CTNNA3: variants seen among roughly 807,000 people sequenced by gnomAD.
CTNNA3 encodes catenin alpha-3.
Under a neutral mutation model 95.7 loss-of-function variants are expected in CTNNA3, and 76 were observed. The observed-to-expected ratio is 0.79, with a 90% CI of 0.66 to 0.96. The LOEUF is 0.96. Among genes scored for constraint, CTNNA3 ranks in the 40% least tolerant of loss-of-function variants. The pLI is 0.00. For missense variants in CTNNA3, 1,191 were observed against 1,089.8 expected, an observed-to-expected ratio of 1.09 and a Z score of -1.31; for synonymous variants, 431 against 374.4, an observed-to-expected ratio of 1.15 and a Z score of -1.74.
chr10:66,030,277 A>G (rs2133454285), intron 15 of CTNNA3, among the ~76,000 whole-genome samples: 1 of 152,308 alleles, frequency 6.6e-6, no homozygotes, highest in East Asian at 1.9e-4. Flanking sequence ...ATCCTAAGCA[A>G]AAAGAACAAA....
At chr10:66,638,693 G>T (rs1407215355) in intron 9 of CTNNA3, among the ~76,000 whole-genome samples, 3 of 151,962 alleles carry the variant, frequency 2.0e-5, no homozygotes, top group African/African-American at 7.2e-5. Flanking sequence ...TCAATGTACT[G>T]CTGTGATCAC....
chr10:66,104,748 T>C (rs2081816335), intron 13 of CTNNA3, among the ~76,000 whole-genome samples: 1 of 152,216 alleles, frequency 6.6e-6, no homozygotes, highest in African/African-American at 2.4e-5. Flanking sequence ...TGGGCCTGCA[T>C]CTTTCATGCA....
At chr10:66,752,040 G>A (rs944883724) in intron 9 of CTNNA3, among the ~76,000 whole-genome samples, 4 of 152,026 alleles carry the variant, frequency 2.6e-5, no homozygotes, top group Non-Finnish European at 5.9e-5. Flanking sequence ...CTAATATAAC[G>A]ATTCAATATG....
intron 12 of CTNNA3, among the ~76,000 whole-genome samples, chr10:66,312,850 G>T (rs2132265043): frequency 6.6e-6 from 1 of 152,144 alleles, no homozygotes; most frequent in African/African-American, 2.4e-5. Flanking sequence ...CGGTGGGATT[G>T]CAGATTCTTT....
intron 7 of CTNNA3, among the ~76,000 whole-genome samples, chr10:66,895,015 C>A: frequency 7.8e-6 from 1 of 128,828 alleles, no homozygotes; most frequent in Non-Finnish European, 1.6e-5. Flanking sequence ...ATAATTGTGC[C>A]ATTGGCGAGA....
At chr10:67,358,997 C>A (rs1335070661) in intron 5 of CTNNA3, among the ~76,000 whole-genome samples, 1 of 152,040 alleles carries the variant, frequency 6.6e-6, no homozygotes, top group East Asian at 1.9e-4. Flanking sequence ...TCTGCTAGCC[C>A]TTACTCTTAA....
intron 5 of CTNNA3, among the ~76,000 whole-genome samples, chr10:67,296,876 G>C (rs1045047632): frequency 7.2e-6 from 1 of 138,662 alleles, no homozygotes; most frequent in African/African-American, 2.8e-5. Context: ...AGAGGTTGCA[G>C]TGAGCCAAGA....
chr10:67,503,560 T>A (rs1330815001), intron 5 of CTNNA3, among the ~76,000 whole-genome samples: 1 of 152,210 alleles, frequency 6.6e-6, no homozygotes, highest in Non-Finnish European at 1.5e-5. Context: ...ATTCACTTAA[T>A]CTAAAAATAC....
intron 12 of CTNNA3, among the ~76,000 whole-genome samples, chr10:66,329,919 G>A (rs1011348322): frequency 2.6e-5 from 4 of 151,956 alleles, no homozygotes; most frequent in Non-Finnish European, 5.9e-5. Flanking sequence ...CATCAGAAAC[G>A]TTCATATGAT....
chr10:65,914,680 C>T lies in CTNNA3; in HGVS notation c.*5650G>A, dbSNP rs1382617966. 1 of 152,146 alleles carries T rather than the reference C, an allele frequency of 6.6e-6. No individual in the cohort carries two copies. The highest frequency in any genetic ancestry group is 2.4e-5 in the African/African-American group (1 of 41,422). The allele number at this position is 152,146 out of a possible 1,614,324, so 9.4% of individuals were successfully genotyped here. On this transcript the variant is annotated 3_prime_UTR_variant, in exon 18 of 18. Coordinates refer to ENST00000433211, the MANE Select transcript of CTNNA3 (RefSeq NM_013266.4). Reference sequence around the variant, plus strand: ...TAAAAGAGGAAAGGATTGGTGTTAACAAATGGTATTAACCAACCAATACTG... The same window carrying T: ...TAAAAGAGGAAAGGATTGGTGTTAATAAATGGTATTAACCAACCAATACTG...
At chr10:66,976,154 G>C (rs1589528791) in intron 7 of CTNNA3, among the ~76,000 whole-genome samples, 1 of 152,092 alleles carries the variant, frequency 6.6e-6, no homozygotes, top group Admixed American at 6.6e-5. Flanking sequence ...ATATGTTCTT[G>C]TGAGAAGGAC....
At chr10:67,746,156 C>A (rs983990811) in intron 1 of CTNNA3, among the ~76,000 whole-genome samples, 1 of 152,192 alleles carries the variant, frequency 6.6e-6, no homozygotes, top group Non-Finnish European at 1.5e-5. Flanking sequence ...AAGCATCCCA[C>A]TTCCTGACTT....
At chr10:66,804,092 G>A (rs1165520217) in intron 7 of CTNNA3, among the ~76,000 whole-genome samples, 1 of 151,032 alleles carries the variant, frequency 6.6e-6, no homozygotes, top group African/African-American at 2.4e-5. Context: ...CTAGTTTATT[G>A]TTTTTCCCCA....
chr10:66,757,940 G>A (rs986285608), intron 9 of CTNNA3, among the ~76,000 whole-genome samples: 2 of 152,076 alleles, frequency 1.3e-5, no homozygotes, highest in African/African-American at 2.4e-5. Context: ...ATCATTGTGA[G>A]CATTGATATA....
chr10:66,995,967 TAA>T (rs1851308870), intron 7 of CTNNA3, among the ~76,000 whole-genome samples: 1 of 152,236 alleles, frequency 6.6e-6, no homozygotes, highest in Admixed American at 6.5e-5. Flanking sequence ...CCTATAAACA[TAA>T]ATTATTTTCA....
At chr10:67,532,917 T>A (rs768854676) in intron 4 of CTNNA3, among the ~76,000 whole-genome samples, 12 of 152,168 alleles carry the variant, frequency 7.9e-5, no homozygotes, top group Non-Finnish European at 1.8e-4. Flanking sequence ...CAGCCAGGAT[T>A]CAAGCAAGGT....
chr10:67,397,279 A>T (rs867617425), intron 5 of CTNNA3, among the ~76,000 whole-genome samples: 2 of 152,268 alleles, frequency 1.3e-5, no homozygotes, highest in South Asian at 4.1e-4. Flanking sequence ...AACAGCTTTG[A>T]CCAAAATGCT....
At chr10:66,386,124 G>T (rs1384162582) in intron 11 of CTNNA3, among the ~76,000 whole-genome samples, 1 of 152,232 alleles carries the variant, frequency 6.6e-6, no homozygotes, top group South Asian at 2.1e-4. Context: ...GAAATAAAGG[G>T]TATTCAGTTA....
At chr10:66,204,797 A>G (rs2087658150) in intron 13 of CTNNA3, among the ~76,000 whole-genome samples, 1 of 152,200 alleles carries the variant, frequency 6.6e-6, no homozygotes, top group Non-Finnish European at 1.5e-5. Flanking sequence ...TGCTGGAATT[A>G]CTAATGTCTA....
Sources: gnomAD v4.1 joint callset for allele counts (sites outside exome capture counted in the v4.1 genomes callset) on GRCh38, gnomAD v4.1.1 for gene constraint, MANE v1.5 for transcripts, NCBI Gene and HGNC (gene_info 2026-07-23, HGNC 2026-07-21) for gene names.